The following STK38L variants were observed in gnomAD, a reference collection of about 807,000 sequenced individuals.
The protein encoded by STK38L is serine/threonine kinase 38 like, also known as serine/threonine-protein kinase 38-like.
In STK38L, 28 loss-of-function variants were observed where a neutral mutation model predicts 59.7. The ratio of observed to expected loss-of-function variants is 0.47; its 90% CI spans 0.35 to 0.64. The LOEUF (loss-of-function observed/expected upper bound fraction) is 0.64. Among genes scored for constraint, STK38L ranks in the 30% least tolerant of loss-of-function variants. STK38L has a pLI of 0.01. For missense variants in STK38L, 314 were observed against 555.8 expected, an observed-to-expected ratio of 0.56 and a Z score of 4.37; for synonymous variants, 162 against 176.8, an observed-to-expected ratio of 0.92 and a Z score of 0.66.
At chr12:27,261,789 T>A (rs2136610342) in intron 1 of STK38L, among the ~76,000 whole-genome samples, 1 of 152,336 alleles carries the variant, frequency 6.6e-6, no homozygotes, top group South Asian at 2.1e-4. Context: ...AGAGCAGTAA[T>A]GCCTGCTTCT....
intron 1 of STK38L, among the ~76,000 whole-genome samples, chr12:27,264,219 G>A (rs974982780): frequency 6.6e-6 from 1 of 152,170 alleles, no homozygotes; most frequent in African/African-American, 2.4e-5. Flanking sequence ...CAAGTTCTAT[G>A]AGCAATGATT....
At chr12:27,269,823 A>G (rs2136616862) in intron 1 of STK38L, among the ~76,000 whole-genome samples, 1 of 152,096 alleles carries the variant, frequency 6.6e-6, no homozygotes, top group East Asian at 1.9e-4. Context: ...TTGTATTTTT[A>G]GTAGAGACGT....
Position 27,254,070 on chromosome 12 carries a change from G to T in STK38L, c.-12+9738G>T, listed in dbSNP as rs558068808. ...ATCAGCCAGAGAGATAAAGAGAAAA[G>T]TAAATCCACTAAAATCCTTTTCTTT... On this transcript the variant is annotated intron_variant, in intron 1 of 13. Transcript: ENST00000389032. 2.6e-5 allele frequency among the ~76,000 whole-genome samples: 4 copies of T among 152,320 alleles called. No individual in the cohort carries two copies. In the South Asian group the frequency reaches 8.3e-4, roughly 32 times the overall value.
intron 3 of STK38L, among the ~76,000 whole-genome samples, chr12:27,305,426 A>G (rs1207953599): frequency 6.6e-6 from 1 of 152,206 alleles, no homozygotes. Context: ...TTTTCTCTAA[A>G]AAATGTTTTT....
In STK38L at chr12:27,308,685, G is replaced by C. The variant is rs1229762493; in HGVS notation, c.309+224G>C. On this transcript the variant is annotated intron_variant, in intron 4 of 13. Transcript: ENST00000389032. The surrounding 1 kb of genome is among the most constrained non-coding windows in gnomAD (Gnocchi z 4.5). ...AATACAAAAATTAGCTGGGCGTGGT[G>C]GTGGGCACCTGTAATCCCAGCTACT... 6.6e-6 allele frequency among the ~76,000 whole-genome samples: 1 copy of C among 151,570 alleles called. No homozygotes were observed. The highest frequency in any genetic ancestry group is 2.4e-5 in the African/African-American group (1 of 41,286).
chr12:27,319,257 T>C (rs1444634166), intron 11 of STK38L, 71 bp from the exon 12 acceptor site: 1 of 897,712 alleles, frequency 1.1e-6, no homozygotes. Flanking sequence ...AAAAGAAATA[T>C]TTGAAGTAAT....
chr12:27,297,678 A>C, intron 1 of STK38L, 32 bp from the exon 2 acceptor site: 2 of 1,572,138 alleles, frequency 1.3e-6, no homozygotes, highest in Non-Finnish European at 1.7e-6. Context: ...TTTTTTTCCC[A>C]CTGAATAATT....
intron 11 of STK38L, among the ~76,000 whole-genome samples, chr12:27,318,864 G>A (rs1298600684): frequency 6.6e-6 from 1 of 152,098 alleles, no homozygotes; most frequent in East Asian, 1.9e-4. Flanking sequence ...GGTGGCGGGC[G>A]CCTGTAGTCC....
chr12:27,322,039 T>C (rs1944740984), intron 12 of STK38L, 104 bp from the exon 13 acceptor site: 3 of 985,840 alleles, frequency 3.0e-6, no homozygotes, highest in Non-Finnish European at 4.4e-6. Flanking sequence ...TCCTTGGATT[T>C]TCTAGTATCT....
intron 1 of STK38L, among the ~76,000 whole-genome samples, chr12:27,245,333 A>G (rs1216541949): frequency 1.3e-5 from 2 of 152,180 alleles, no homozygotes; most frequent in South Asian, 2.1e-4. Context: ...CTATTAGCTT[A>G]TTTTACTGCT....
intron 5 of STK38L, among the ~76,000 whole-genome samples, chr12:27,310,672 T>A (rs1415650741): frequency 6.6e-6 from 1 of 152,252 alleles, no homozygotes; most frequent in Non-Finnish European, 1.5e-5. Context: ...AATAATTTCA[T>A]TCTGTATGTG....
chr12:27,264,835 ATGAGT>A (rs1565527386), intron 1 of STK38L, among the ~76,000 whole-genome samples: 1 of 152,228 alleles, frequency 6.6e-6, no homozygotes, highest in Admixed American at 6.5e-5. Context: ...GGATGACTGT[ATGAGT>A]TATCTGTAAA....
chr12:27,282,912 C>T (rs890165470), intron 1 of STK38L, among the ~76,000 whole-genome samples: 1 of 152,136 alleles, frequency 6.6e-6, no homozygotes, highest in East Asian at 1.9e-4. Flanking sequence ...GCTGGCTTCA[C>T]CATGTCTAGC....
intron 1 of STK38L, 36 bp from the exon 2 acceptor site, chr12:27,297,674 T>TC (rs1489526874): frequency 3.1e-5 from 49 of 1,569,910 alleles, no homozygotes; most frequent in Non-Finnish European, 4.1e-5. Context: ...GGGTTTTTTT[T>TC]CCCACTGAAT....
chr12:27,319,209 G>A (rs1403805604), intron 11 of STK38L, 119 bp from the exon 12 acceptor site: 5 of 635,786 alleles, frequency 7.9e-6, no homozygotes, highest in Non-Finnish European at 2.7e-6. Context: ...AATAAACATA[G>A]TTAACATCAA....
At chr12:27,277,680 A>G (rs1451452771) in intron 1 of STK38L, among the ~76,000 whole-genome samples, 1 of 152,178 alleles carries the variant, frequency 6.6e-6, no homozygotes, top group Non-Finnish European at 1.5e-5. Context: ...TAAAAATTTA[A>G]AGCAAATTCC....
At position 27,315,034 on chromosome 12, in the gene STK38L, A is replaced by G. The variant is rs1236711543; in HGVS notation, c.692A>G (p.Asp231Gly). 2 of 1,609,120 alleles carry G rather than the reference A, an allele frequency of 1.2e-6. No homozygotes were observed. Among genetic ancestry groups the G allele is most frequent in the Non-Finnish European group, 1.7e-6 (2 of 1,178,714 alleles). ...LDAKGHVKLSDFGLCTGLKKA... is the reference protein window; with the variant it reads ...LDAKGHVKLSGFGLCTGLKKA... The stretch of plus-strand genomic sequence containing the variant: ...TTTTAGGGTCATGTAAAATTATCTG[A>G]TTTTGGTTTATGTACGGGATTAAAG... The change falls in exon 8 of 14, where the codon GAT (aspartate) becomes GGT (glycine). Residue 231 changes from aspartate (D) to glycine (G), a missense_variant. By Grantham distance (94) the Asp-to-Gly change is moderately conservative (BLOSUM62 -1). Coordinates refer to ENST00000389032, the MANE Select transcript of STK38L (RefSeq NM_015000.4).
At chr12:27,294,879 T>TAA (rs547338879) in intron 1 of STK38L, among the ~76,000 whole-genome samples, 37 of 134,988 alleles carry the variant, frequency 2.7e-4, no homozygotes, top group South Asian at 7.1e-4. Context: ...CCTAGCTAAG[T>TAA]AAAAAAAAAA....
rs1047907482 is a variant in STK38L at position 27,315,097 on chromosome 12, A to G, written c.755A>G (p.His252Arg). 1.2e-6 allele frequency: 2 copies of G among 1,613,678 alleles called. No homozygotes were observed. Among genetic ancestry groups the G allele is most frequent in the Non-Finnish European group, 1.7e-6 (2 of 1,179,828 alleles). ...HRTEFYRNLTHNPPSDFSFQN... is the reference protein window; with the variant it reads ...HRTEFYRNLTRNPPSDFSFQN... The stretch of plus-strand genomic sequence containing the variant: ...ACTGAATTTTATAGAAATCTCACAC[A>G]CAACCCACCAAGTGACTTCTGTAAG... The change falls in exon 8 of 14, where the codon CAC becomes CGC. Residue 252 changes from histidine (H) to arginine (R), a missense_variant. By Grantham distance (29) the His-to-Arg change is conservative. Transcript: ENST00000389032.
Sources: allele counts gnomAD v4.1 joint callset (sites outside exome capture counted in the v4.1 genomes callset), GRCh38; gene constraint gnomAD v4.1.1; non-coding constraint Gnocchi (gnomAD v3.1); transcripts MANE v1.5; gene names NCBI Gene and HGNC (gene_info 2026-07-23, HGNC 2026-07-21).